Variants in FHL5 observed in about 807,000 individuals in gnomAD.
FHL5 encodes the protein four and a half LIM domains protein 5.
FHL5 carries 33 observed loss-of-function variants against 32.0 expected under a neutral mutation model. The ratio of observed to expected loss-of-function variants is 1.03; its 90% CI spans 0.78 to 1.38. FHL5 has a LOEUF of 1.38. Ranked by LOEUF, FHL5 falls within the 40% of genes most tolerant of loss-of-function variation. The pLI is 0.00. For missense variants in FHL5, 336 were observed against 343.9 expected, an observed-to-expected ratio of 0.98 and a Z score of 0.18; for synonymous variants, 114 against 113.6, an observed-to-expected ratio of 1.00 and a Z score of -0.02.
Position 96,615,862 on chromosome 6 carries a change from T to C in FHL5, c.*90T>C. ...GCGGTCTTATTTTTGACTTAAGTTT[T>C]AGAAAATATTCATGTAGTTTAGAGT... On this transcript the variant is annotated 3_prime_UTR_variant, in exon 6 of 6. Transcript: ENST00000450218. The C allele has an allele frequency of 1.8e-6, 2 of 1,128,352 alleles. No homozygotes were observed. The highest frequency in any genetic ancestry group is 2.5e-6 in the Non-Finnish European group (2 of 806,636). 69.9% of individuals were successfully genotyped at this position (1,128,352 alleles called of 1,614,324 possible). A position where few individuals can be genotyped will look rare whatever the true frequency, so the allele number is the denominator to read the frequency against.
intron 1 of FHL5, among the ~76,000 whole-genome samples, chr6:96,571,152 A>T (rs1770467700): frequency 6.7e-6 from 1 of 148,684 alleles, no homozygotes; most frequent in Non-Finnish European, 1.5e-5. Flanking sequence ...TTTCATAAAG[A>T]AAGTCTTTCA....
chr6:96,604,459 C>T (rs897604864), intron 2 of FHL5, among the ~76,000 whole-genome samples: 1 of 151,904 alleles, frequency 6.6e-6, no homozygotes, highest in African/African-American at 2.4e-5. Context: ...CCATGAAAAA[C>T]CTCTATTATA....
rs112988948 is a variant in FHL5, at chr6:96,577,087, T to C, written c.-13+13732T>C. Among the ~76,000 whole-genome samples, 804 of 152,292 alleles carry C rather than the reference T, an allele frequency of 5.3e-3. 6 individuals are homozygous for C. Among genetic ancestry groups the C allele is most frequent in the African/African-American group, 0.016 (653 of 41,558 alleles). On this transcript the variant is annotated intron_variant, in intron 1 of 5. Coordinates refer to ENST00000450218, the MANE Select transcript of FHL5 (RefSeq NM_001322466.2). ...TGCTGAGAATCAACTTTGCCTAAAT[T>C]TCTGAGAGGGAAAACAGATAAAAAT...
chr6:96,574,719 T>G (rs1025920254), intron 1 of FHL5, among the ~76,000 whole-genome samples: 3 of 152,160 alleles, frequency 2.0e-5, no homozygotes, highest in African/African-American at 7.2e-5. Flanking sequence ...TTTTATTATA[T>G]GCTAAATAGT....
At chr6:96,575,959 T>C (rs1485507394) in intron 1 of FHL5, among the ~76,000 whole-genome samples, 2 of 152,216 alleles carry the variant, frequency 1.3e-5, no homozygotes, top group East Asian at 3.8e-4. Flanking sequence ...TAGTTTTATA[T>C]GTGACCTTTT....
chr6:96,606,839 T>C (rs1582479336), intron 4 of FHL5, among the ~76,000 whole-genome samples: 1 of 152,178 alleles, frequency 6.6e-6, no homozygotes, highest in African/African-American at 2.4e-5. Context: ...TCTCACATTC[T>C]TTCTCAGCAA....
rs1771169538 is a variant in FHL5 at position 96,602,426 on chromosome 6, C to CTTTCTTTTT, written c.-12-1173_-12-1172insCTTTTTTTT. ...ACCTGGAAATCTATATGCGTTGTTTCTTTTTTTTTTTTTTTTTTTTTTTTT... is the reference window on the plus strand; with the variant it reads ...ACCTGGAAATCTATATGCGTTGTTTCTTTCTTTTTTTTTTTTTTTTTTTTTTTTTTTTTT... On this transcript the variant is annotated intron_variant, in intron 1 of 5. Transcript: ENST00000450218. 1.2e-4 allele frequency among the ~76,000 whole-genome samples: 4 copies of CTTTCTTTTT among 33,684 alleles called. 1 individual carries two copies. Among genetic ancestry groups the CTTTCTTTTT allele is most frequent in the African/African-American group, 2.5e-4 (3 of 12,024 alleles). The allele number at this position is 33,684 out of a possible 152,430, so 22.1% of individuals were successfully genotyped here. A position where few individuals can be genotyped will look rare whatever the true frequency, so the allele number is the denominator to read the frequency against.
chr6:96,579,557 C>T (rs1015536302), intron 1 of FHL5, among the ~76,000 whole-genome samples: 1 of 152,000 alleles, frequency 6.6e-6, no homozygotes. Flanking sequence ...TTCCAACATA[C>T]GAACTTGCAA....
intron 1 of FHL5, among the ~76,000 whole-genome samples, chr6:96,586,616 G>T (rs929739210): frequency 6.6e-6 from 1 of 152,162 alleles, no homozygotes; most frequent in African/African-American, 2.4e-5. Flanking sequence ...TGGATAACTT[G>T]TCTCAAGAAG....
In FHL5 at chr6:96,604,850, G is replaced by A. The variant is rs1331026642; in HGVS notation, c.260G>A (p.Arg87His). ...AAGCCTTTTGCTGCCAAGGATGAGC[G>A]CCTGCTGTGCACGGAGTGCTATTCT... is the stretch of plus-strand genomic sequence containing the variant. ...VEKPFAAKDE[R>H]LLCTECYSNE... The change falls in exon 3 of 6, where the codon CGC (arginine) becomes CAC (histidine). Residue 87 changes from arginine (R) to histidine (H), a missense_variant. By Grantham distance (29) the Arg-to-His change is conservative. Transcript: ENST00000450218. 25 of 1,613,866 alleles carry A rather than the reference G, an allele frequency of 1.5e-5. No homozygotes were observed. Among genetic ancestry groups the A allele is most frequent in the African/African-American group, 6.7e-5 (5 of 74,920 alleles).
At position 96,616,948 on chromosome 6, in the gene FHL5, A is replaced by G. The variant is rs933131153; in HGVS notation, c.*1176A>G. Among the ~76,000 whole-genome samples, 1 of 151,800 alleles carries G rather than the reference A, an allele frequency of 6.6e-6. No homozygotes were observed. The highest frequency in any genetic ancestry group is 2.4e-5 in the African/African-American group (1 of 41,300). On this transcript the variant is annotated 3_prime_UTR_variant, in exon 6 of 6. Coordinates refer to ENST00000450218, the MANE Select transcript of FHL5 (RefSeq NM_001322466.2). Reference sequence around the variant, plus strand: ...CCTGTGCCACACCCCCCTTACCCCAAGCCAGTTGTGCCCCCAGTTTCAATC... The same window carrying G: ...CCTGTGCCACACCCCCCTTACCCCAGGCCAGTTGTGCCCCCAGTTTCAATC...
chr6:96,605,787 G>T (rs1771263078), intron 3 of FHL5, 115 bp from the exon 4 acceptor site: 1 of 837,282 alleles, frequency 1.2e-6, no homozygotes, highest in South Asian at 2.4e-5. Context: ...TTTCTAAAAG[G>T]ACAATTCATT....
chr6:96,609,910 G>A (rs190819025), intron 4 of FHL5, among the ~76,000 whole-genome samples: 1 of 152,284 alleles, frequency 6.6e-6, no homozygotes, highest in African/African-American at 2.4e-5. Flanking sequence ...GTAGTATGTA[G>A]AGGTGTTGAG....
At chr6:96,584,463 G>GTGTT (rs1554173443) in intron 1 of FHL5, among the ~76,000 whole-genome samples, 30 of 121,992 alleles carry the variant, frequency 2.5e-4, no homozygotes, top group African/African-American at 9.5e-4. Flanking sequence ...GTGTGTGTTT[G>GTGTT]TGTGTGTGTG....
intron 1 of FHL5, among the ~76,000 whole-genome samples, chr6:96,565,304 G>A (rs1464778160): frequency 6.6e-6 from 1 of 152,132 alleles, no homozygotes; most frequent in Non-Finnish European, 1.5e-5. Context: ...GAAAACAATA[G>A]TGTGATGTGG....
At chr6:96,584,439 G>GTGTGTGTGTGTGTGTGTGTT (rs1230890757) in intron 1 of FHL5, among the ~76,000 whole-genome samples, 95 of 106,372 alleles carry the variant, frequency 8.9e-4, no homozygotes, top group African/African-American at 3.5e-3. Flanking sequence ...TGGGATATGT[G>GTGTGTGTGTGTGTGTGTGTT]TGTGTGTGTG....
chr6:96,614,431 G>T (rs1231822665), intron 5 of FHL5, among the ~76,000 whole-genome samples: 1 of 152,106 alleles, frequency 6.6e-6, no homozygotes, highest in Non-Finnish European at 1.5e-5. Context: ...AGAGAAATTT[G>T]ATGCAATTTT....
intron 1 of FHL5, among the ~76,000 whole-genome samples, chr6:96,584,461 T>TGTG (rs1770757947): frequency 8.2e-5 from 7 of 85,214 alleles, no homozygotes; most frequent in Admixed American, 3.3e-4. Flanking sequence ...GTGTGTGTGT[T>TGTG]TGTGTGTGTG....
upstream of FHL5, among the ~76,000 whole-genome samples, chr6:96,562,910 G>A (rs1770277634): frequency 6.6e-6 from 1 of 152,168 alleles, no homozygotes; most frequent in Admixed American, 6.5e-5. Context: ...TCCTTTTAGA[G>A]TATTATTTTT....
Sources: gnomAD v4.1 joint callset for allele counts (sites outside exome capture counted in the v4.1 genomes callset) on GRCh38, gnomAD v4.1.1 for gene constraint, MANE v1.5 for transcripts, NCBI Gene and HGNC (gene_info 2026-07-23, HGNC 2026-07-21) for gene names.